Variants in ROCK1 observed in about 807,000 individuals in gnomAD.
ROCK1 encodes the protein rho-associated protein kinase 1.
Under a neutral mutation model 196.8 loss-of-function variants are expected in ROCK1, and 36 were observed. The observed-to-expected ratio is 0.18, with a 90% CI of 0.14 to 0.24. The LOEUF is 0.24. Among genes scored for constraint, ROCK1 ranks in the 10% least tolerant of loss-of-function variants. ROCK1 has a pLI of 1.00. For missense variants in ROCK1, 920 were observed against 1,562.0 expected, an observed-to-expected ratio of 0.59 and a Z score of 6.93; for synonymous variants, 443 against 515.9, an observed-to-expected ratio of 0.86 and a Z score of 1.91.
Position 21,085,335 on chromosome 18 carries a change from C to G in ROCK1, c.94-14722G>C, listed in dbSNP as rs554059189. ...AGGAATTTCAGAGCAGCTTGGACAA[C>G]CCCATTTCAAAAAAAAAAAAAAGGC... is the stretch of plus-strand genomic sequence containing the variant. On this transcript the variant is annotated intron_variant, in intron 1 of 32. Transcript: ENST00000399799. Among the ~76,000 whole-genome samples the G allele has an allele frequency of 5.1e-3, 6 of 1,182 alleles. No homozygotes were observed. In the South Asian group the frequency reaches 0.33, roughly 66 times the overall value. The allele number at this position is 1,182 out of a possible 152,430, so 0.8% of individuals were successfully genotyped here.
intron 27 of ROCK1, among the ~76,000 whole-genome samples, chr18:20,961,467 G>A (rs1460209087): frequency 6.6e-6 from 1 of 152,106 alleles, no homozygotes; most frequent in African/African-American, 2.4e-5. Flanking sequence ...ATTCGGAAAA[G>A]GTTCTACTGT....
At chr18:21,064,999 G>C (rs917641419) in intron 2 of ROCK1, among the ~76,000 whole-genome samples, 1 of 152,202 alleles carries the variant, frequency 6.6e-6, no homozygotes, top group South Asian at 2.1e-4. Context: ...GTTAGGATAT[G>C]CTACTGGCAT....
At chr18:21,010,170 T>C (rs1035615158) in intron 13 of ROCK1, among the ~76,000 whole-genome samples, 1 of 152,188 alleles carries the variant, frequency 6.6e-6, no homozygotes, top group Non-Finnish European at 1.5e-5. Flanking sequence ...ATTTTCTCTA[T>C]TGTTTTTCTG....
Position 20,984,376 on chromosome 18 carries a change from C to T in ROCK1, c.2464G>A (p.Glu822Lys). Reference sequence around the variant, plus strand: ...TTCGTAAGCTGAGCTAACTCAAATTCTAATAATCTCTTTGCTTCCAATAAA... The same window carrying T: ...TTCGTAAGCTGAGCTAACTCAAATTTTAATAATCTCTTTGCTTCCAATAAA... ...NTLLEAKRLL[E>K]FELAQLTKQY... Residue 822 changes from glutamate to lysine, a missense_variant, in exon 20 of 33, where the codon GAA becomes AAA. Physicochemically the swap from Glu to Lys is moderately conservative, Grantham distance 56. This residue lies in a region of ROCK1 where 520 missense variants were observed against 657.1 expected (regional missense o/e 0.79). Transcript: ENST00000399799. 6.2e-7 allele frequency: 1 copy of T among 1,607,346 alleles called. No homozygotes were observed. Among genetic ancestry groups the T allele is most frequent in the Non-Finnish European group, 8.5e-7 (1 of 1,177,660 alleles).
intron 2 of ROCK1, among the ~76,000 whole-genome samples, chr18:21,056,705 G>A (rs1386903872): frequency 3.3e-5 from 5 of 152,130 alleles, no homozygotes; most frequent in African/African-American, 1.2e-4. Context: ...AAAAGCCCAA[G>A]ATTTTACAAT....
chr18:21,002,272 T>C (rs9949153), intron 16 of ROCK1, among the ~76,000 whole-genome samples: 1,546 of 152,208 alleles, frequency 0.01, 20 homozygotes, highest in African/African-American at 0.036. Context: ...AAAATAATTC[T>C]GGAAAATCTA....
intron 19 of ROCK1, among the ~76,000 whole-genome samples, chr18:20,985,466 CA>C (rs1237687873): frequency 2.6e-5 from 4 of 152,182 alleles, no homozygotes; most frequent in Non-Finnish European, 5.9e-5. Context: ...TCTCAAATGT[CA>C]TACTCTTAGC....
At chr18:21,082,498 T>G (rs552255899) in intron 1 of ROCK1, among the ~76,000 whole-genome samples, 2 of 152,294 alleles carry the variant, frequency 1.3e-5, no homozygotes, top group Non-Finnish European at 2.9e-5. Context: ...CAAGTGGGAT[T>G]TATGCCAGGA....
intron 16 of ROCK1, among the ~76,000 whole-genome samples, chr18:20,997,845 T>TC (rs2035685926): frequency 6.6e-6 from 1 of 152,068 alleles, no homozygotes; most frequent in African/African-American, 2.4e-5. Flanking sequence ...GATTTTTTTT[T>TC]TTTTTTTGAG....
chr18:21,028,510 T>C (rs1293344094), intron 10 of ROCK1, among the ~76,000 whole-genome samples: 1 of 152,172 alleles, frequency 6.6e-6, no homozygotes, highest in Non-Finnish European at 1.5e-5. Flanking sequence ...TATCAGTATT[T>C]ATGGCATTTT....
At chr18:20,969,086 CATG>C (rs1273258876) in intron 24 of ROCK1, 26 bp downstream of exon 24, 4 of 1,378,026 alleles carry the variant, frequency 2.9e-6, no homozygotes, top group African/African-American at 2.8e-5. Flanking sequence ...TTTGATTTAA[CATG>C]ATGATTTTTT....
At chr18:21,024,386 A>C (rs2035939179) in intron 10 of ROCK1, among the ~76,000 whole-genome samples, 1 of 152,332 alleles carries the variant, frequency 6.6e-6, no homozygotes, top group East Asian at 1.9e-4. Context: ...AATAGATCAT[A>C]TATGTAAACA....
intron 22 of ROCK1, among the ~76,000 whole-genome samples, chr18:20,974,405 T>A (rs2035460122): frequency 6.6e-6 from 1 of 152,180 alleles, no homozygotes; most frequent in Admixed American, 6.5e-5. Flanking sequence ...TCACGACATG[T>A]TCTTATCTGG....
intron 1 of ROCK1, among the ~76,000 whole-genome samples, chr18:21,099,823 C>T (rs1448460213): frequency 2.6e-5 from 4 of 151,982 alleles, no homozygotes; most frequent in Non-Finnish European, 5.9e-5. Flanking sequence ...ATCACTTGAG[C>T]TCAGGAGTTC....
chr18:20,957,492 T>A (rs1427029021), intron 29 of ROCK1, among the ~76,000 whole-genome samples: 1 of 152,176 alleles, frequency 6.6e-6, no homozygotes, highest in Non-Finnish European at 1.5e-5. Flanking sequence ...TTTCTTTTTT[T>A]TTTTTTGAGA....
Position 20,979,894 on chromosome 18 carries a change from A to C in ROCK1, c.2654+16T>G. ...GTTGCAGTACTGATTCTTGTTCTAA[A>C]GTAAAATGGACATACTTTTCATTTT... On this transcript the variant is annotated intron_variant, in intron 22 of 32. Transcript: ENST00000399799. The C allele has an allele frequency of 2.0e-6, 3 of 1,522,622 alleles. No homozygotes were observed. The highest frequency in any genetic ancestry group is 2.2e-5 in the Admixed American group (1 of 44,944). The allele number at this position is 1,522,622 out of a possible 1,614,324, so 94.3% of individuals were successfully genotyped here.
At chr18:21,039,913 C>A (rs1307946195) in intron 8 of ROCK1, among the ~76,000 whole-genome samples, 1 of 151,948 alleles carries the variant, frequency 6.6e-6, no homozygotes, top group Non-Finnish European at 1.5e-5. Flanking sequence ...ATAAAACTAG[C>A]GGGTGTACTG....
chr18:21,105,252 C>T (rs1211652087), intron 1 of ROCK1, among the ~76,000 whole-genome samples: 2 of 152,104 alleles, frequency 1.3e-5, no homozygotes, highest in African/African-American at 4.8e-5. Flanking sequence ...AGATTTCAAT[C>T]CAAGTTTAGG....
Position 21,020,254 on chromosome 18 carries a change from A to C in ROCK1, c.1273-15T>G. The C allele has an allele frequency of 2.9e-6, 4 of 1,397,234 alleles. No homozygotes were observed. The highest frequency in any genetic ancestry group is 3.9e-6 in the Non-Finnish European group (4 of 1,015,018). 86.6% of individuals were successfully genotyped at this position (1,397,234 alleles called of 1,614,324 possible). A position where few individuals can be genotyped will look rare whatever the true frequency, so the allele number is the denominator to read the frequency against. Reference sequence around the variant, plus strand: ...AAACTTTCCTGCTTTAATTTAAAACAAAAACAAAAACTCATTCTACTAAGA... The same window carrying C: ...AAACTTTCCTGCTTTAATTTAAAACCAAAACAAAAACTCATTCTACTAAGA... On this transcript the variant is annotated splice_polypyrimidine_tract_variant and intron_variant, in intron 11 of 32. Transcript: ENST00000399799.
Sources: allele counts gnomAD v4.1 joint callset (sites outside exome capture counted in the v4.1 genomes callset), GRCh38; gene constraint gnomAD v4.1.1; regional missense constraint gnomAD v4.1.1; transcripts MANE v1.5; gene names NCBI Gene and HGNC (gene_info 2026-07-23, HGNC 2026-07-21).